The following STAU2 variants were observed in gnomAD, a reference collection of about 807,000 sequenced individuals.
The protein encoded by STAU2 is double-stranded RNA-binding protein Staufen homolog 2.
Under a neutral mutation model 65.9 loss-of-function variants are expected in STAU2, and 20 were observed. The observed-to-expected ratio is 0.30, with a 90% CI of 0.21 to 0.44. STAU2 has a LOEUF of 0.44. Ranked by LOEUF, STAU2 falls within the 20% of genes least tolerant of loss-of-function variation. STAU2 has a pLI of 1.00. For missense variants in STAU2, 558 were observed against 683.9 expected (o/e 0.82, Z 2.05); for synonymous variants, 232 against 233.9 (o/e 0.99, Z 0.07).
chr8:73,636,862 C>CAA lies in STAU2; in HGVS notation c.411-19413_411-19412dup, dbSNP rs202084863. Among the ~76,000 whole-genome samples the CAA allele has an allele frequency of 2.6e-3, 219 of 85,788 alleles. 1 individual carries two copies. Among genetic ancestry groups the CAA allele is most frequent in the Non-Finnish European group, 3.9e-3 (162 of 41,620 alleles). 56.3% of individuals were successfully genotyped at this position (85,788 alleles called of 152,430 possible). A position where few individuals can be genotyped will look rare whatever the true frequency, so the allele number is the denominator to read the frequency against. On this transcript the variant is annotated intron_variant, in intron 6 of 14. Coordinates refer to ENST00000524300, the MANE Select transcript of STAU2 (RefSeq NM_001164380.2). Reference sequence around the variant, plus strand: ...TGGGTGACAGAGGAGACTCTGTATTCAAAAAAAAAAAAAAAGGAACTAACA... The same window carrying CAA: ...TGGGTGACAGAGGAGACTCTGTATTCAAAAAAAAAAAAAAAAAGGAACTAACA...
intron 12 of STAU2, among the ~76,000 whole-genome samples, chr8:73,565,621 T>G (rs1319136383): frequency 6.6e-6 from 1 of 152,214 alleles, no homozygotes; most frequent in Admixed American, 6.5e-5. Flanking sequence ...ATTTTCACTT[T>G]GCAAACATTT....
Position 73,692,965 on chromosome 8 carries a change from G to A in STAU2, c.115-4152C>T, listed in dbSNP as rs564192623. On this transcript the variant is annotated intron_variant, in intron 4 of 14. Transcript: ENST00000524300. ...ACTTGAGCTCAGAAGTTCGAGACCAGCCTGGGCAACACAGGGAGACCTCAG... is the reference window on the plus strand; with the variant it reads ...ACTTGAGCTCAGAAGTTCGAGACCAACCTGGGCAACACAGGGAGACCTCAG... 8.5e-4 allele frequency among the ~76,000 whole-genome samples: 129 copies of A among 151,498 alleles called. 5 individuals carry two copies. The South Asian group carries it at 0.025, about 29-fold the overall frequency.
At chr8:73,545,466 GC>G (rs1389524953) in intron 13 of STAU2, among the ~76,000 whole-genome samples, 1 of 152,048 alleles carries the variant, frequency 6.6e-6, no homozygotes, top group Non-Finnish European at 1.5e-5. Context: ...TATTAAGATG[GC>G]AGAACTTTCT....
intron 12 of STAU2, among the ~76,000 whole-genome samples, chr8:73,579,649 T>C (rs938701821): frequency 1.3e-5 from 2 of 152,238 alleles, no homozygotes; most frequent in Non-Finnish European, 2.9e-5. Flanking sequence ...AATTGCCCTA[T>C]GCTAAACTTA....
At chr8:73,600,684 T>C (rs527964926) in intron 10 of STAU2, among the ~76,000 whole-genome samples, 41 of 152,202 alleles carry the variant, frequency 2.7e-4, no homozygotes, top group Non-Finnish European at 5.4e-4. Flanking sequence ...TGAGGCCTGG[T>C]CTTGGACTTG....
At chr8:73,565,494 T>C (rs1808536021) in intron 12 of STAU2, among the ~76,000 whole-genome samples, 1 of 152,192 alleles carries the variant, frequency 6.6e-6, no homozygotes, top group African/African-American at 2.4e-5. Context: ...AAAAACAGAC[T>C]AATACATTAC....
chr8:73,530,052 T>C (rs955712646), intron 13 of STAU2, among the ~76,000 whole-genome samples: 3 of 152,294 alleles, frequency 2.0e-5, no homozygotes, highest in African/African-American at 7.2e-5. Context: ...GTTTGGAGTA[T>C]AGATATTATC....
At chr8:73,511,948 G>C (rs568758703) in intron 13 of STAU2, among the ~76,000 whole-genome samples, 1 of 152,190 alleles carries the variant, frequency 6.6e-6, no homozygotes, top group South Asian at 2.1e-4. Flanking sequence ...ATGAGGTAAG[G>C]CTCCAAATTC....
intron 13 of STAU2, among the ~76,000 whole-genome samples, chr8:73,476,467 A>G (rs1820332369): frequency 6.6e-6 from 1 of 152,172 alleles, no homozygotes; most frequent in African/African-American, 2.4e-5. Context: ...AAAGAAGTTC[A>G]TTATTTTTCA....
At chr8:73,512,515 A>T (rs1261259542) in intron 13 of STAU2, among the ~76,000 whole-genome samples, 1 of 152,180 alleles carries the variant, frequency 6.6e-6, no homozygotes, top group African/African-American at 2.4e-5. Context: ...GCTACTGTGA[A>T]TGAAATGGTC....
chr8:73,495,582 A>G (rs937753899), intron 13 of STAU2, among the ~76,000 whole-genome samples: 1 of 150,300 alleles, frequency 6.7e-6, no homozygotes, highest in Non-Finnish European at 1.5e-5. Context: ...TATACTTTTT[A>G]TTAGTCAATA....
chr8:73,485,354 A>G (rs1585855588), intron 13 of STAU2, among the ~76,000 whole-genome samples: 1 of 151,874 alleles, frequency 6.6e-6, no homozygotes, highest in East Asian at 1.9e-4. Flanking sequence ...ACACATGAGC[A>G]TTGATTCTTT....
chr8:73,700,421 C>T (rs1227882361), intron 4 of STAU2, among the ~76,000 whole-genome samples: 1 of 151,882 alleles, frequency 6.6e-6, no homozygotes, highest in Non-Finnish European at 1.5e-5. Context: ...TTTAAAAAAA[C>T]CTAAAGACTC....
intron 6 of STAU2, among the ~76,000 whole-genome samples, chr8:73,669,658 TC>T: frequency 6.6e-6 from 1 of 151,786 alleles, no homozygotes; most frequent in Admixed American, 6.6e-5. Context: ...TCTCTCTCTC[TC>T]TCTCTCTCTC....
intron 10 of STAU2, among the ~76,000 whole-genome samples, chr8:73,599,853 C>T (rs1439003928): frequency 2.0e-5 from 3 of 152,048 alleles, no homozygotes; most frequent in East Asian, 1.9e-4. Context: ...CTGCAAGCTC[C>T]GCCTCCCGGG....
intron 5 of STAU2, among the ~76,000 whole-genome samples, chr8:73,680,648 G>A (rs930698943): frequency 6.6e-6 from 1 of 152,020 alleles, no homozygotes; most frequent in African/African-American, 2.4e-5. Flanking sequence ...AATTCAGTAG[G>A]TCGGTTATTA....
At chr8:73,727,532 G>A (rs888260484) in intron 3 of STAU2, among the ~76,000 whole-genome samples, 2 of 152,110 alleles carry the variant, frequency 1.3e-5, no homozygotes, top group East Asian at 1.9e-4. Context: ...CATCTGCATC[G>A]TAGCATGTAT....
intron 6 of STAU2, among the ~76,000 whole-genome samples, chr8:73,632,764 A>G (rs1230390142): frequency 6.6e-6 from 1 of 152,186 alleles, no homozygotes; most frequent in Non-Finnish European, 1.5e-5. Flanking sequence ...AAAATCAAAC[A>G]GATGAAGAGC....
At chr8:73,651,322 T>C in intron 6 of STAU2, 1 of 678,842 alleles carries the variant, frequency 1.5e-6, no homozygotes. Context: ...AGCAGGTCCG[T>C]GGCTTGGAGG....
Sources: allele counts gnomAD v4.1 joint callset (sites outside exome capture counted in the v4.1 genomes callset), GRCh38; gene constraint gnomAD v4.1.1; transcripts MANE v1.5; gene names NCBI Gene and HGNC (gene_info 2026-07-23, HGNC 2026-07-21).